ASTN1: variants seen among roughly 807,000 people sequenced by gnomAD.
ASTN1 encodes the protein astrotactin-1.
ASTN1 carries 41 observed loss-of-function variants against 140.7 expected under a neutral mutation model. That is an observed-to-expected ratio of 0.29 (90% CI 0.23 to 0.38). The LOEUF is 0.38. Ranked by LOEUF, ASTN1 falls within the 10% of genes least tolerant of loss-of-function variation. The pLI is 1.00. For missense variants in ASTN1, 1,479 were observed against 1,678.8 expected, an observed-to-expected ratio of 0.88 and a Z score of 2.08; for synonymous variants, 640 against 652.2, an observed-to-expected ratio of 0.98 and a Z score of 0.29.
intron 1 of ASTN1, among the ~76,000 whole-genome samples, chr1:177,062,689 A>G (rs972470011): frequency 2.0e-5 from 3 of 152,194 alleles, no homozygotes; most frequent in Non-Finnish European, 1.5e-5. Flanking sequence ...CACAACCATA[A>G]AAAGGAAAAC....
intron 1 of ASTN1, among the ~76,000 whole-genome samples, chr1:177,127,044 T>C (rs112566860): frequency 0.019 from 2,881 of 152,184 alleles, 85 homozygotes; most frequent in African/African-American, 0.065. Context: ...ACAATAAGCA[T>C]AAAAGGCTTT....
At chr1:176,956,779 A>C (rs1281956163) in intron 11 of ASTN1, among the ~76,000 whole-genome samples, 1 of 152,226 alleles carries the variant, frequency 6.6e-6, no homozygotes, top group Admixed American at 6.5e-5. Flanking sequence ...AGGAGCCAGC[A>C]GCTAAAGGCT....
chr1:177,163,631 C>T (rs954464677), intron 1 of ASTN1, among the ~76,000 whole-genome samples: 2 of 152,162 alleles, frequency 1.3e-5, no homozygotes, highest in African/African-American at 2.4e-5. Context: ...AAAGGTCATT[C>T]TGTGTGCAGG....
At chr1:177,020,696 G>C (rs1331692751) in intron 7 of ASTN1, among the ~76,000 whole-genome samples, 1 of 152,146 alleles carries the variant, frequency 6.6e-6, no homozygotes, top group Non-Finnish European at 1.5e-5. Context: ...GACATTTTTG[G>C]GAGTGCATTA....
intron 1 of ASTN1, among the ~76,000 whole-genome samples, chr1:177,148,458 T>G (rs1571851408): frequency 1.4e-5 from 2 of 147,268 alleles, no homozygotes; most frequent in Non-Finnish European, 3.0e-5. Context: ...TAATATGAGG[T>G]TAATTTGAGA....
chr1:176,896,159 C>G (rs1312408614), intron 16 of ASTN1, among the ~76,000 whole-genome samples: 2 of 152,098 alleles, frequency 1.3e-5, no homozygotes, highest in African/African-American at 2.4e-5. Context: ...AGAAACATCA[C>G]GAGGCATTTC....
intron 16 of ASTN1, among the ~76,000 whole-genome samples, chr1:176,903,428 G>A (rs1273997145): frequency 6.6e-6 from 1 of 152,104 alleles, no homozygotes; most frequent in Non-Finnish European, 1.5e-5. Flanking sequence ...TGGCTTTATG[G>A]CCTCTGTCCC....
At chr1:176,889,752 G>A (rs767166770) in intron 17 of ASTN1, among the ~76,000 whole-genome samples, 2 of 152,158 alleles carry the variant, frequency 1.3e-5, no homozygotes, top group African/African-American at 4.8e-5. Context: ...TTGATGAATG[G>A]TTATCATGAT....
intron 7 of ASTN1, among the ~76,000 whole-genome samples, chr1:177,017,304 A>C (rs1675597519): frequency 1.3e-5 from 2 of 152,176 alleles, no homozygotes; most frequent in South Asian, 4.1e-4. Flanking sequence ...TTTCAAACAC[A>C]TCATGCTAGG....
At chr1:176,889,387 A>G (rs915211167) in intron 17 of ASTN1, among the ~76,000 whole-genome samples, 1 of 152,236 alleles carries the variant, frequency 6.6e-6, no homozygotes, top group Non-Finnish European at 1.5e-5. Context: ...TCTTTGTTTC[A>G]TTCTCACTAC....
chr1:177,069,934 T>C (rs975477517), intron 1 of ASTN1, among the ~76,000 whole-genome samples: 4 of 152,026 alleles, frequency 2.6e-5, no homozygotes, highest in African/African-American at 9.7e-5. Flanking sequence ...GGTAAAAGGA[T>C]TTTTTACTTA....
At chr1:176,857,334 T>C (rs967261595), downstream of ASTN1, 4 of 375,232 alleles carry the variant, frequency 1.1e-5, no homozygotes, top group African/African-American at 8.3e-5. Context: ...TAGTTTGAAG[T>C]ATATATTAAT....
intron 1 of ASTN1, among the ~76,000 whole-genome samples, chr1:177,157,561 C>T (rs567771402): frequency 3.3e-4 from 50 of 152,096 alleles, no homozygotes; most frequent in Non-Finnish European, 3.7e-4. Context: ...GCCATTCACC[C>T]ACCTGGCTTC....
chr1:177,033,287 G>A (rs978534730), intron 2 of ASTN1, among the ~76,000 whole-genome samples: 2 of 151,942 alleles, frequency 1.3e-5, no homozygotes, highest in Non-Finnish European at 2.9e-5. Context: ...CCTGTCTCAC[G>A]TCTAAACATC....
chr1:177,058,072 A>G (rs1285088958), intron 2 of ASTN1, among the ~76,000 whole-genome samples: 2 of 152,210 alleles, frequency 1.3e-5, no homozygotes, highest in Non-Finnish European at 2.9e-5. Context: ...TAGAATCCTA[A>G]GGATGAGAAA....
At chr1:176,971,915 C>A (rs911878623) in intron 8 of ASTN1, among the ~76,000 whole-genome samples, 3 of 151,990 alleles carry the variant, frequency 2.0e-5, no homozygotes, top group Non-Finnish European at 4.4e-5. Flanking sequence ...ATGAGTTGCT[C>A]AATGATGAGG....
At chr1:176,894,414 A>G in intron 17 of ASTN1, 148 bp downstream of exon 17, 1 of 1,068,668 alleles carries the variant, frequency 9.4e-7, no homozygotes, top group Non-Finnish European at 1.3e-6. Context: ...ATTTAAACAA[A>G]TTAGGTGCCC....
At chr1:177,096,948 T>G (rs1680055198) in intron 1 of ASTN1, among the ~76,000 whole-genome samples, 1 of 152,170 alleles carries the variant, frequency 6.6e-6, no homozygotes, top group Non-Finnish European at 1.5e-5. Context: ...GCACCATCTC[T>G]GAACTAAGAA....
At chr1:177,120,654 T>C (rs968176689) in intron 1 of ASTN1, among the ~76,000 whole-genome samples, 3 of 152,176 alleles carry the variant, frequency 2.0e-5, no homozygotes, top group Admixed American at 6.5e-5. Context: ...GACAGCACTT[T>C]CTTCTATAAT....
Sources: allele counts gnomAD v4.1 joint callset (sites outside exome capture counted in the v4.1 genomes callset), GRCh38; gene constraint gnomAD v4.1.1; transcripts MANE v1.5; gene names NCBI Gene and HGNC (gene_info 2026-07-23, HGNC 2026-07-21).